The following CNTN5 variants were observed in gnomAD, a reference collection of about 807,000 sequenced individuals.
The protein encoded by CNTN5 is contactin-5.
Under a neutral mutation model 129.1 loss-of-function variants are expected in CNTN5, and 77 were observed. The observed-to-expected ratio is 0.60, with a 90% CI of 0.50 to 0.72. The LOEUF (loss-of-function observed/expected upper bound fraction) is 0.72. CNTN5 is among the 30% of genes least tolerant of loss of function. The pLI is 0.00. For missense variants in CNTN5, 1,478 were observed against 1,328.8 expected, an observed-to-expected ratio of 1.11 and a Z score of -1.75; for synonymous variants, 509 against 465.6, an observed-to-expected ratio of 1.09 and a Z score of -1.20.
At chr11:99,121,952 A>G (rs983472563) in intron 1 of CNTN5, among the ~76,000 whole-genome samples, 7 of 151,652 alleles carry the variant, frequency 4.6e-5, no homozygotes, top group African/African-American at 1.7e-4. Flanking sequence ...TAGAAATAAT[A>G]CTTTTAAAAT....
chr11:99,844,129 C>G (rs533032171), intron 4 of CNTN5, among the ~76,000 whole-genome samples: 4 of 152,288 alleles, frequency 2.6e-5, no homozygotes, highest in Admixed American at 6.5e-5. Context: ...TATTAGCTAA[C>G]TAAAATAGAA....
At chr11:99,712,484 T>C (rs1292622062) in intron 3 of CNTN5, among the ~76,000 whole-genome samples, 1 of 152,164 alleles carries the variant, frequency 6.6e-6, no homozygotes, top group Non-Finnish European at 1.5e-5. Flanking sequence ...TTAGTTTAAT[T>C]ATATCCCATT....
intron 1 of CNTN5, among the ~76,000 whole-genome samples, chr11:99,117,811 C>T (rs1450994493): frequency 6.6e-6 from 1 of 152,144 alleles, no homozygotes; most frequent in Non-Finnish European, 1.5e-5. Flanking sequence ...CTTCTCCAGA[C>T]TTCTTCCTGG....
intron 1 of CNTN5, among the ~76,000 whole-genome samples, chr11:99,319,819 A>G (rs141846880): frequency 2.8e-4 from 43 of 152,266 alleles, no homozygotes; most frequent in Non-Finnish European, 5.1e-4. Flanking sequence ...AGGGAGACCA[A>G]TTCAATGGTG....
At chr11:99,825,012 G>A (rs1424367793) in intron 4 of CNTN5, among the ~76,000 whole-genome samples, 2 of 151,926 alleles carry the variant, frequency 1.3e-5, no homozygotes, top group African/African-American at 4.8e-5. Context: ...GGTATATAGA[G>A]CCCTATCAAT....
At chr11:99,491,242 G>C (rs1171768608) in intron 2 of CNTN5, among the ~76,000 whole-genome samples, 1 of 152,120 alleles carries the variant, frequency 6.6e-6, no homozygotes, top group Non-Finnish European at 1.5e-5. Context: ...GGCCAGGCAG[G>C]GTAGTGCTAA....
rs1322299953 is a variant in CNTN5 at position 100,199,365 on chromosome 11, G to A, written c.1884+5702G>A. Among the ~76,000 whole-genome samples, 3 of 151,698 alleles carry A rather than the reference G, an allele frequency of 2.0e-5. No homozygotes were observed. The Admixed American group carries it at 2.0e-4, about 10-fold the overall frequency. ...TCATCAGTTCAGATCCTACCTCTTGGTTCTTTGGCCTGCTCTGAACGCTGG... is the reference window on the plus strand; with the variant it reads ...TCATCAGTTCAGATCCTACCTCTTGATTCTTTGGCCTGCTCTGAACGCTGG... On this transcript the variant is annotated intron_variant, in intron 15 of 24. Coordinates refer to ENST00000524871, the MANE Select transcript of CNTN5 (RefSeq NM_014361.4).
intron 13 of CNTN5, among the ~76,000 whole-genome samples, chr11:100,167,561 T>C (rs1015198893): frequency 1.3e-5 from 2 of 151,896 alleles, no homozygotes; most frequent in Non-Finnish European, 2.9e-5. Flanking sequence ...CAAATAAGTA[T>C]CACACTAATT....
chr11:100,149,904 A>AAC (rs1555022279), intron 13 of CNTN5, among the ~76,000 whole-genome samples: 3 of 147,836 alleles, frequency 2.0e-5, no homozygotes, highest in Admixed American at 2.0e-4. Flanking sequence ...AAAAAAAAAA[A>AAC]AAAGAAAAGA....
rs1357288685 is a variant in CNTN5, at chr11:99,546,828, C to T, written c.-70-9317C>T. Among the ~76,000 whole-genome samples the T allele has an allele frequency of 7.2e-5, 11 of 152,048 alleles. No individual in the cohort carries two copies. The South Asian group carries it at 8.3e-4, about 11-fold the overall frequency. ...TGGCCTTTTCTCTGCAGCTTGGACACGCAAAGCCCATTCTTACGTTAAGAT... is the reference window on the plus strand; with the variant it reads ...TGGCCTTTTCTCTGCAGCTTGGACATGCAAAGCCCATTCTTACGTTAAGAT... On this transcript the variant is annotated intron_variant, in intron 2 of 24. Transcript: ENST00000524871.
At chr11:99,891,332 T>TTA (rs1949052641) in intron 6 of CNTN5, among the ~76,000 whole-genome samples, 3 of 151,878 alleles carry the variant, frequency 2.0e-5, no homozygotes, top group East Asian at 2.0e-4. Flanking sequence ...CCAATATCTT[T>TTA]TTATTATTAT....
rs557888596 is a variant in CNTN5 at position 99,515,575 on chromosome 11, T to A, written c.-70-40570T>A. Among the ~76,000 whole-genome samples, 6 of 152,174 alleles carry A rather than the reference T, an allele frequency of 3.9e-5. No individual in the cohort carries two copies. In the South Asian group the frequency reaches 1.2e-3, roughly 31 times the overall value. ...ATAGAATTCACTTAGAAAAAACTGA[T>A]GCATTTTATAAAGTTCAAAGTAGGA... On this transcript the variant is annotated intron_variant, in intron 2 of 24. Coordinates refer to ENST00000524871, the MANE Select transcript of CNTN5 (RefSeq NM_014361.4).
At chr11:99,174,945 G>A (rs1037779199) in intron 1 of CNTN5, among the ~76,000 whole-genome samples, 5 of 152,002 alleles carry the variant, frequency 3.3e-5, no homozygotes, top group Non-Finnish European at 7.4e-5. Context: ...AAAATCTTAG[G>A]GTTTAAGGCC....
chr11:100,078,439 T>G (rs902344238), intron 13 of CNTN5, among the ~76,000 whole-genome samples: 11 of 152,116 alleles, frequency 7.2e-5, no homozygotes, highest in South Asian at 2.1e-4. Flanking sequence ...TTTACATTTG[T>G]TTGTTATTTA....
At chr11:99,630,483 C>T (rs186455952) in intron 3 of CNTN5, among the ~76,000 whole-genome samples, 67 of 152,066 alleles carry the variant, frequency 4.4e-4, no homozygotes, top group African/African-American at 1.5e-3. Context: ...ATTACATTAG[C>T]TGTCTTTCAC....
chr11:99,309,271 A>G (rs980838690), intron 1 of CNTN5, among the ~76,000 whole-genome samples: 1 of 147,630 alleles, frequency 6.8e-6, no homozygotes, highest in African/African-American at 2.5e-5. Flanking sequence ...CTTATAAACT[A>G]TTGAAATTCT....
At chr11:99,312,640 A>C (rs149487832) in intron 1 of CNTN5, among the ~76,000 whole-genome samples, 3 of 152,236 alleles carry the variant, frequency 2.0e-5, no homozygotes, top group African/African-American at 7.2e-5. Context: ...GCCTTTCTAT[A>C]TCTCTGTTCT....
At chr11:99,105,197 C>T (rs372948052) in intron 1 of CNTN5, among the ~76,000 whole-genome samples, 4 of 152,048 alleles carry the variant, frequency 2.6e-5, no homozygotes, top group East Asian at 3.9e-4. Context: ...ACACTTATGT[C>T]GTGGGATTTG....
intron 10 of CNTN5, 90 bp from the exon 11 acceptor site, chr11:100,070,334 A>C: frequency 7.4e-7 from 1 of 1,355,336 alleles, no homozygotes. Context: ...GCTTTTAAAA[A>C]AATACGTTGA....
Sources: allele counts gnomAD v4.1 joint callset (sites outside exome capture counted in the v4.1 genomes callset), GRCh38; gene constraint gnomAD v4.1.1; transcripts MANE v1.5; gene names NCBI Gene and HGNC (gene_info 2026-07-23, HGNC 2026-07-21).